EXOC6B: variants seen among roughly 807,000 people sequenced by gnomAD.
The protein encoded by EXOC6B is exocyst complex component 6B, also known as SEC15 homolog B.
In EXOC6B, 54 loss-of-function variants were observed where a neutral mutation model predicts 113.5. That is an observed-to-expected ratio of 0.48 (90% CI 0.38 to 0.60). The LOEUF (loss-of-function observed/expected upper bound fraction) is 0.60. Among genes scored for constraint, EXOC6B ranks in the 20% least tolerant of loss-of-function variants. The pLI is 0.00. For synonymous variants in EXOC6B, 357 were observed against 339.0 expected (o/e 1.05, Z -0.58); for missense variants, 797 against 977.5 (o/e 0.82, Z 2.46).
intron 8 of EXOC6B, among the ~76,000 whole-genome samples, chr2:72,551,513 T>C (rs1399641400): frequency 7.4e-6 from 1 of 134,900 alleles, no homozygotes; most frequent in Admixed American, 7.4e-5. Context: ...TAAAATCTTT[T>C]TTTTTTTTTG....
intron 1 of EXOC6B, among the ~76,000 whole-genome samples, chr2:72,817,405 A>AT (rs1230206936): frequency 1.3e-5 from 2 of 152,212 alleles, no homozygotes; most frequent in African/African-American, 4.8e-5. Flanking sequence ...AAGAAGTCAT[A>AT]TTTTTAAGAC....
At chr2:72,672,526 G>A (rs1306764365) in intron 6 of EXOC6B, among the ~76,000 whole-genome samples, 1 of 135,990 alleles carries the variant, frequency 7.4e-6, no homozygotes, top group Non-Finnish European at 1.6e-5. Context: ...CAGCCTGGGG[G>A]ACAGAGCGAG....
At position 72,240,236 on chromosome 2, in the gene EXOC6B, G is replaced by A. The variant is rs190792416; in HGVS notation, c.2197-56049C>T. Among the ~76,000 whole-genome samples, 1,099 of 152,268 alleles carry A rather than the reference G, an allele frequency of 7.2e-3. 7 individuals carry two copies. Among genetic ancestry groups the A allele is most frequent in the Non-Finnish European group, 0.011 (728 of 68,018 alleles). On this transcript the variant is annotated intron_variant, in intron 20 of 21. Coordinates refer to ENST00000272427, the MANE Select transcript of EXOC6B (RefSeq NM_015189.3). ...GTGTTGAATAGAAATGGTAAAAGTA[G>A]ATATCCCTGTCTTGTTCCAGGTCAC...
At chr2:72,557,272 A>G (rs974487244) in intron 8 of EXOC6B, among the ~76,000 whole-genome samples, 3 of 125,992 alleles carry the variant, frequency 2.4e-5, no homozygotes, top group Non-Finnish European at 4.8e-5. Context: ...AAAAAATATA[A>G]TGAAACAAAA....
intron 20 of EXOC6B, among the ~76,000 whole-genome samples, chr2:72,256,882 A>G (rs996095766): frequency 6.6e-6 from 1 of 152,192 alleles, no homozygotes. Flanking sequence ...AAATATTTGC[A>G]TGGATTGAGC....
chr2:72,764,688 T>C (rs1211178368), intron 1 of EXOC6B, among the ~76,000 whole-genome samples: 1 of 152,072 alleles, frequency 6.6e-6, no homozygotes, highest in East Asian at 1.9e-4. Context: ...CTTTATATCT[T>C]TTCCTTACTT....
At chr2:72,818,302 G>A (rs1431362072) in intron 1 of EXOC6B, among the ~76,000 whole-genome samples, 1 of 150,282 alleles carries the variant, frequency 6.7e-6, no homozygotes, top group Non-Finnish European at 1.5e-5. Context: ...CTGCCACCAG[G>A]CCCAGCTAAT....
chr2:72,731,012 A>G lies in EXOC6B; in HGVS notation c.459T>C (p.Thr153=). Residue 153 remains threonine, a synonymous_variant, in exon 5 of 22, where the codon ACT becomes ACC. Transcript: ENST00000272427. The part of the protein sequence containing the change: ...MYSKLRDQMK[T]KRHYPALKTL... Reference sequence around the variant, plus strand: ...CGATTAAAAAAAAATCTTACCTTTTAGTTTTCATCTGGTCCCTCAGTTTGC... The same window carrying G: ...CGATTAAAAAAAAATCTTACCTTTTGGTTTTCATCTGGTCCCTCAGTTTGC... The G allele has an allele frequency of 6.5e-7, 1 of 1,529,998 alleles. No individual in the cohort carries two copies. The highest frequency in any genetic ancestry group is 8.8e-7 in the Non-Finnish European group (1 of 1,141,184). 94.8% of individuals were successfully genotyped at this position (1,529,998 alleles called of 1,614,324 possible).
intron 6 of EXOC6B, among the ~76,000 whole-genome samples, chr2:72,689,226 G>A (rs531494281): frequency 2.6e-4 from 40 of 152,200 alleles, no homozygotes; most frequent in African/African-American, 7.9e-4. Context: ...TGAAATTTCC[G>A]AAAGGTAAAT....
intron 18 of EXOC6B, among the ~76,000 whole-genome samples, chr2:72,386,240 C>T (rs1262027362): frequency 6.6e-6 from 1 of 151,662 alleles, no homozygotes; most frequent in African/African-American, 2.4e-5. Flanking sequence ...AAAACAGGAA[C>T]TTATATTTAA....
intron 18 of EXOC6B, among the ~76,000 whole-genome samples, chr2:72,385,363 A>G (rs1198796930): frequency 2.0e-5 from 3 of 152,136 alleles, no homozygotes; most frequent in African/African-American, 7.2e-5. Flanking sequence ...AATTCAAAAT[A>G]GATTAAAGAC....
intron 6 of EXOC6B, among the ~76,000 whole-genome samples, chr2:72,665,658 A>T (rs1348638830): frequency 6.6e-6 from 1 of 152,226 alleles, no homozygotes; most frequent in Non-Finnish European, 1.5e-5. Flanking sequence ...AAAGGAATTC[A>T]TTACCACTAG....
intron 6 of EXOC6B, among the ~76,000 whole-genome samples, chr2:72,611,226 T>C (rs889521711): frequency 2.6e-5 from 4 of 152,012 alleles, no homozygotes; most frequent in Admixed American, 1.3e-4. Flanking sequence ...TAGCCGGGCA[T>C]GGTGGCACAT....
chr2:72,681,463 A>G (rs1676696551), intron 6 of EXOC6B, among the ~76,000 whole-genome samples: 1 of 152,192 alleles, frequency 6.6e-6, no homozygotes, highest in Non-Finnish European at 1.5e-5. Context: ...TCTGAATCCC[A>G]ACACAAAACC....
intron 8 of EXOC6B, among the ~76,000 whole-genome samples, chr2:72,539,559 G>A (rs1702474009): frequency 6.6e-6 from 1 of 152,140 alleles, no homozygotes; most frequent in African/African-American, 2.4e-5. Context: ...GTAACTAAGT[G>A]CATTCAGATT....
chr2:72,222,921 T>C (rs570923485), intron 20 of EXOC6B, among the ~76,000 whole-genome samples: 1 of 152,298 alleles, frequency 6.6e-6, no homozygotes, highest in East Asian at 1.9e-4. Flanking sequence ...GGAGGTACTT[T>C]TATGTAAGGG....
chr2:72,494,185 T>C (rs1313245861), intron 15 of EXOC6B, among the ~76,000 whole-genome samples: 3 of 152,152 alleles, frequency 2.0e-5, no homozygotes, highest in Non-Finnish European at 2.9e-5. Flanking sequence ...ATTACTAATA[T>C]TATTCCTTTA....
intron 20 of EXOC6B, among the ~76,000 whole-genome samples, chr2:72,224,994 G>GTGTGTGTGTATA (rs908047817): frequency 1.5e-5 from 2 of 137,252 alleles, no homozygotes; most frequent in Non-Finnish European, 3.2e-5. Flanking sequence ...GTGTGTGTGT[G>GTGTGTGTGTATA]TATATATATA....
At chr2:72,624,785 A>G (rs1258024739) in intron 6 of EXOC6B, among the ~76,000 whole-genome samples, 1 of 152,174 alleles carries the variant, frequency 6.6e-6, no homozygotes, top group African/African-American at 2.4e-5. Flanking sequence ...AAGCATTTAT[A>G]TAGTACCTAC....
Sources: gnomAD v4.1 joint callset for allele counts (sites outside exome capture counted in the v4.1 genomes callset) on GRCh38, gnomAD v4.1.1 for gene constraint, MANE v1.5 for transcripts, NCBI Gene and HGNC (gene_info 2026-07-23, HGNC 2026-07-21) for gene names.